The following PTGDR2 variants were observed in gnomAD, a reference collection of about 807,000 sequenced individuals.
The protein encoded by PTGDR2 is prostaglandin D2 receptor 2, also known as G-protein coupled receptor 44.
For missense variants in PTGDR2, 544 were observed against 576.6 expected (o/e 0.94, Z 0.58); for synonymous variants, 276 against 278.4 (o/e 0.99, Z 0.09).
In PTGDR2 at chr11:60,853,168, A is replaced by C; in HGVS notation, c.555T>G (p.Asn185Lys). ...RLDGRIMCYYNVLLLNPGPDR... is the reference protein window; with the variant it reads ...RLDGRIMCYYKVLLLNPGPDR... ...CAGGCCCCGGGTTCAGGAGCAGCAC[A>C]TTGTAGTAGCACATAATGCGCCCGT... The change falls in exon 2 of 2, where the codon AAT becomes AAG. Residue 185 changes from asparagine (N) to lysine (K), a missense_variant. Transcript: ENST00000332539. 2 of 1,609,748 alleles carry C rather than the reference A, an allele frequency of 1.2e-6. No homozygotes were observed. The highest frequency in any genetic ancestry group is 1.7e-6 in the Non-Finnish European group (2 of 1,179,846).
In PTGDR2 at chr11:60,854,055, C is replaced by T. The variant is rs116204799; in HGVS notation, c.-9-324G>A. On this transcript the variant is annotated intron_variant, in intron 1 of 1. Coordinates refer to ENST00000332539, the MANE Select transcript of PTGDR2 (RefSeq NM_004778.3). The stretch of plus-strand genomic sequence containing the variant: ...CACAGAGCAAGCACTTTATCAGTGT[C>T]ATTGTGATGATTATGGAGCAAATGG... 4.3e-3 allele frequency among the ~76,000 whole-genome samples: 658 copies of T among 152,310 alleles called. 3 individuals carry two copies. The highest frequency in any genetic ancestry group is 0.015 in the African/African-American group (637 of 41,568).
rs1287851866 is a variant in PTGDR2 at position 60,851,093 on chromosome 11, AT to A, written c.*1441del. 2 of 152,326 alleles carry A rather than the reference AT, an allele frequency of 1.3e-5. No homozygotes were observed. The highest frequency in any genetic ancestry group is 2.9e-5 in the Non-Finnish European group (2 of 68,088). The allele number at this position is 152,326 out of a possible 1,614,324, so 9.4% of individuals were successfully genotyped here. On this transcript the variant is annotated 3_prime_UTR_variant, in exon 2 of 2. Coordinates refer to ENST00000332539, the MANE Select transcript of PTGDR2 (RefSeq NM_004778.3). Reference sequence around the variant, plus strand: ...ACAAGCAAAATGCACCACGTGTCCAATGGGGGAAGTGCTATGAGTAAAGGGG... The same window carrying A: ...ACAAGCAAAATGCACCACGTGTCCAAGGGGGAAGTGCTATGAGTAAAGGGG...
In PTGDR2 at chr11:60,853,563, G is replaced by A. The variant is rs1020410142; in HGVS notation, c.160C>T (p.Leu54Phe). ...CGCATGCGGCAGCCCACCACGAAGA[G>A]GATGACTCCATTCTCCACCAGGCCC... ...LLGLVENGVILFVVGCRMRQT... is the reference protein window; with the variant it reads ...LLGLVENGVIFFVVGCRMRQT... Residue 54 changes from leucine (L) to phenylalanine (F), a missense_variant, in exon 2 of 2, where the codon CTC (leucine) becomes TTC (phenylalanine). Coordinates refer to ENST00000332539, the MANE Select transcript of PTGDR2 (RefSeq NM_004778.3). The A allele has an allele frequency of 3.9e-6, 6 of 1,556,344 alleles. No homozygotes were observed. The Admixed American group carries it at 9.7e-5, about 25-fold the overall frequency.
In PTGDR2 at chr11:60,853,535, TG is replaced by T; in HGVS notation, c.187del (p.Gln63ArgfsTer96). 1 of 1,556,822 alleles carries T rather than the reference TG, an allele frequency of 6.4e-7. No individual in the cohort carries two copies. The highest frequency in any genetic ancestry group is 8.7e-7 in the Non-Finnish European group (1 of 1,149,834). On this transcript the variant is annotated frameshift_variant, in exon 2 of 2. Transcript: ENST00000332539. LOFTEE classifies it low-confidence loss of function (END_TRUNC). Reference sequence around the variant, plus strand: ...CAGCACCCAGGTGGTGACCACGGTCTGGCGCATGCGGCAGCCCACCACGAAG... The same window carrying T: ...CAGCACCCAGGTGGTGACCACGGTCTGCGCATGCGGCAGCCCACCACGAAG... ...ILFVVGCRMR[Q>X]TVVTTWVLHL...
chr11:60,854,930 AGC>A (rs1435900225), intron 1 of PTGDR2, among the ~76,000 whole-genome samples: 2 of 152,192 alleles, frequency 1.3e-5, no homozygotes, highest in Non-Finnish European at 2.9e-5. Context: ...GAGGAAGAAA[AGC>A]GGGAGAGGGG....
rs757463710 is a variant in PTGDR2 at position 60,853,176 on chromosome 11, A to G, written c.547T>C (p.Tyr183His). ...GGGTTCAGGAGCAGCACATTGTAGT[A>G]GCACATAATGCGCCCGTCCAGCCGC... is the stretch of plus-strand genomic sequence containing the variant. ...ISRLDGRIMC[Y>H]YNVLLLNPGP... The change falls in exon 2 of 2, where the codon TAC becomes CAC. Residue 183 changes from tyrosine (Y) to histidine (H), a missense_variant. Tyr to His is a moderately conservative substitution (Grantham distance 83). Transcript: ENST00000332539. 7 of 1,610,118 alleles carry G rather than the reference A, an allele frequency of 4.3e-6. No homozygotes were observed. The highest frequency in any genetic ancestry group is 5.9e-6 in the Non-Finnish European group (7 of 1,179,874).
Position 60,853,059 on chromosome 11 carries a change from T to C in PTGDR2, c.664A>G (p.Ile222Val). 6.3e-7 allele frequency: 1 copy of C among 1,578,476 alleles called. No individual in the cohort carries two copies. Among genetic ancestry groups the C allele is most frequent in the Non-Finnish European group, 8.6e-7 (1 of 1,167,686 alleles). The change falls in exon 2 of 2, where the codon ATC becomes GTC. Residue 222 changes from isoleucine to valine, a missense_variant. Ile to Val is a conservative substitution (Grantham distance 29). Coordinates refer to ENST00000332539, the MANE Select transcript of PTGDR2 (RefSeq NM_004778.3). ...LLAFLVPLAI[I>V]ASSHAAVSLR... ...CTCACGGCCGCGTGGCTCGAGGCGATGATCGCCAGCGGCACCAGGAAGGCC... is the reference window on the plus strand; with the variant it reads ...CTCACGGCCGCGTGGCTCGAGGCGACGATCGCCAGCGGCACCAGGAAGGCC...
Position 60,852,325 on chromosome 11 carries a change from G to T in PTGDR2, c.*210C>A. On this transcript the variant is annotated 3_prime_UTR_variant, in exon 2 of 2. Coordinates refer to ENST00000332539, the MANE Select transcript of PTGDR2 (RefSeq NM_004778.3). The stretch of plus-strand genomic sequence containing the variant: ...ACTGCACTTAACAAGACCCCTAGGT[G>T]ATTCACAGGCACATCAAGGTTTGAG... 2.4e-6 allele frequency: 1 copy of T among 419,194 alleles called. No individual in the cohort carries two copies. The highest frequency in any genetic ancestry group is 4.1e-6 in the Non-Finnish European group (1 of 246,846). 26.0% of individuals were successfully genotyped at this position (419,194 alleles called of 1,614,324 possible).
chr11:60,851,854 G>T lies in PTGDR2; in HGVS notation c.*681C>A, dbSNP rs1040542349. On this transcript the variant is annotated 3_prime_UTR_variant, in exon 2 of 2. Coordinates refer to ENST00000332539, the MANE Select transcript of PTGDR2 (RefSeq NM_004778.3). ...ATTGAGCATGTGATGCCTAGGGTTAGAGTGCAGACCCTGTGGTCGTTAGCC... is the reference window on the plus strand; with the variant it reads ...ATTGAGCATGTGATGCCTAGGGTTATAGTGCAGACCCTGTGGTCGTTAGCC... The T allele has an allele frequency of 9.9e-5, 15 of 152,270 alleles. No individual in the cohort carries two copies. The highest frequency in any genetic ancestry group is 3.6e-4 in the African/African-American group (15 of 41,458). The allele number at this position is 152,270 out of a possible 1,614,324, so 9.4% of individuals were successfully genotyped here.
At position 60,853,627 on chromosome 11, in the gene PTGDR2, G is replaced by A. The variant is rs1414771270; in HGVS notation, c.96C>T (p.Asp32=). ...SHSNTSIRYI[D]HAAVLLHGLA... is the part of the protein sequence containing the mutation. ...GCCCGTGCAGCAGCACGGCCGCGTG[G>A]TCGATGTAGCGGATGCTGGTGTTGC... Residue 32 remains aspartate (D), a synonymous_variant, in exon 2 of 2, where the codon GAC becomes GAT. Transcript: ENST00000332539. 6.4e-7 allele frequency: 1 copy of A among 1,557,270 alleles called. No individual in the cohort carries two copies. Among genetic ancestry groups the A allele is most frequent in the Non-Finnish European group, 8.7e-7 (1 of 1,150,046 alleles).
At position 60,852,765 on chromosome 11, in the gene PTGDR2, G is replaced by T; in HGVS notation, c.958C>A (p.Arg320Ser). ...DMLRKLRRSLRTVLESVLVDD... is the reference protein window; with the variant it reads ...DMLRKLRRSLSTVLESVLVDD... ...ACCAGCACGCTCTCCAGCACCGTGC[G>T]CAGCGAGCGCCGCAGCTTGCGCAGC... The change falls in exon 2 of 2, where the codon CGC becomes AGC. Residue 320 changes from arginine to serine, a missense_variant. Physicochemically the swap from Arg to Ser is moderately radical, Grantham distance 110. Transcript: ENST00000332539. 1.3e-6 allele frequency: 2 copies of T among 1,541,928 alleles called. No homozygotes were observed. The highest frequency in any genetic ancestry group is 1.7e-6 in the Non-Finnish European group (2 of 1,144,184).
chr11:60,855,631 C>T (rs1317184439), intron 1 of PTGDR2, among the ~76,000 whole-genome samples: 1 of 152,192 alleles, frequency 6.6e-6, no homozygotes, highest in African/African-American at 2.4e-5. Flanking sequence ...CCCACCCAGA[C>T]TGCTTGTGAA....
chr11:60,853,342 C>T lies in PTGDR2; in HGVS notation c.381G>A (p.Leu127=). Residue 127 remains leucine, a synonymous_variant, in exon 2 of 2, where the codon CTG becomes CTA. Transcript: ENST00000332539. ...GCCGCACCACCTGCAGGCAGCGGTCCAGGCTGATGGCGCTGAGCAGGAAGC... is the reference window on the plus strand; with the variant it reads ...GCCGCACCACCTGCAGGCAGCGGTCTAGGCTGATGGCGCTGAGCAGGAAGC... ...ASGFLLSAIS[L]DRCLQVVRPV... 1 of 1,609,514 alleles carries T rather than the reference C, an allele frequency of 6.2e-7. No individual in the cohort carries two copies. Among genetic ancestry groups the T allele is most frequent in the Non-Finnish European group, 8.5e-7 (1 of 1,178,340 alleles).
In PTGDR2 at chr11:60,852,718, G is replaced by A; in HGVS notation, c.1005C>T (p.Gly335=). ...SVLVDDSELG[G]AGSSRRRRTS... ...TGCGGCGGCGGCGGCTGCTTCCCGC[G>A]CCACCCAGCTCGCTGTCGTCCACCA... Residue 335 remains glycine, a synonymous_variant, in exon 2 of 2, where the codon GGC becomes GGT. Transcript: ENST00000332539. 6.8e-7 allele frequency: 1 copy of A among 1,463,444 alleles called. No individual in the cohort carries two copies. 90.7% of individuals were successfully genotyped at this position (1,463,444 alleles called of 1,614,324 possible).
rs756338180 is a variant in PTGDR2 at position 60,853,107 on chromosome 11, G to A, written c.616C>T (p.Leu206=). 4 of 1,603,542 alleles carry A rather than the reference G, an allele frequency of 2.5e-6. No individual in the cohort carries two copies. The highest frequency in any genetic ancestry group is 3.4e-6 in the Non-Finnish European group (4 of 1,178,598). Residue 206 remains leucine (L), a synonymous_variant, in exon 2 of 2, where the codon CTG becomes TTG. Coordinates refer to ENST00000332539, the MANE Select transcript of PTGDR2 (RefSeq NM_004778.3). ...GCCAGCAGGAACTTGCTGACGGCCA[G>A]GGCCACCTGCCGCGAGTTGCACGTG... ...DATCNSRQVA[L]AVSKFLLAFL...
At chr11:60,855,306 G>C (rs980898078) in intron 1 of PTGDR2, among the ~76,000 whole-genome samples, 1 of 152,122 alleles carries the variant, frequency 6.6e-6, no homozygotes, top group Non-Finnish European at 1.5e-5. Context: ...CCCGCTGTCT[G>C]CCCTGAAACA....
rs1255896071 is a variant in PTGDR2, at chr11:60,852,957, C to T, written c.766G>A (p.Ala256Thr). 3 of 1,413,612 alleles carry T rather than the reference C, an allele frequency of 2.1e-6. No individual in the cohort carries two copies. 87.6% of individuals were successfully genotyped at this position (1,413,612 alleles called of 1,614,324 possible). The change falls in exon 2 of 2, where the codon GCG becomes ACG. Residue 256 changes from alanine to threonine, a missense_variant. Physicochemically the swap from Ala to Thr is moderately conservative, Grantham distance 58. Coordinates refer to ENST00000332539, the MANE Select transcript of PTGDR2 (RefSeq NM_004778.3). ...ACGTGGTAGGGCCCCCAGCAGAGCG[C>T]GAAGGCGGCCACGACGGCCGCCACC... ...RLVAAVVAAF[A>T]LCWGPYHVFS...
chr11:60,854,073 G>A (rs1003699634), intron 1 of PTGDR2, among the ~76,000 whole-genome samples: 7 of 152,200 alleles, frequency 4.6e-5, no homozygotes, highest in African/African-American at 9.7e-5. Context: ...TGATTATGGA[G>A]CAAATGGTCT....
At position 60,852,214 on chromosome 11, in the gene PTGDR2, G is replaced by A; in HGVS notation, c.*321C>T. The stretch of plus-strand genomic sequence containing the variant: ...TTCACTTTGTGTTACTCCAGGCCTC[G>A]CCTGTGAACCTGCCGCACTGGCTTC... On this transcript the variant is annotated 3_prime_UTR_variant, in exon 2 of 2. Transcript: ENST00000332539. 3.1e-6 allele frequency: 1 copy of A among 318,874 alleles called. No individual in the cohort carries two copies. Among genetic ancestry groups the A allele is most frequent in the Non-Finnish European group, 5.7e-6 (1 of 175,552 alleles). The allele number at this position is 318,874 out of a possible 1,614,324, so 19.8% of individuals were successfully genotyped here.
Sources: gnomAD v4.1 joint callset for allele counts (sites outside exome capture counted in the v4.1 genomes callset) on GRCh38, gnomAD v4.1.1 for gene constraint, MANE v1.5 for transcripts, NCBI Gene and HGNC (gene_info 2026-07-23, HGNC 2026-07-21) for gene names.